Variants in NELL1 observed in about 807,000 individuals in gnomAD.
The protein encoded by NELL1 is neural EGFL like 1.
A neutral mutation model predicts 107.4 loss-of-function variants in NELL1; 76 were observed. The observed-to-expected ratio is 0.71, with a 90% CI of 0.59 to 0.86. The LOEUF (loss-of-function observed/expected upper bound fraction) is 0.86, where lower values mean the gene tolerates loss of function less well. Ranked by LOEUF, NELL1 falls within the 40% of genes least tolerant of loss-of-function variation. NELL1 has a pLI of 0.00. For synonymous variants in NELL1, 353 were observed against 341.2 expected (o/e 1.03, Z -0.38); for missense variants, 1,024 against 1,005.5 (o/e 1.02, Z -0.25).
chr11:21,056,074 A>G (rs1289714651), intron 12 of NELL1, among the ~76,000 whole-genome samples: 1 of 152,146 alleles, frequency 6.6e-6, no homozygotes, highest in East Asian at 1.9e-4. Context: ...CAACATGCTG[A>G]TGAGGATATC....
At chr11:20,864,625 G>A (rs1849060404) in intron 4 of NELL1, among the ~76,000 whole-genome samples, 2 of 152,056 alleles carry the variant, frequency 1.3e-5, no homozygotes, top group African/African-American at 4.8e-5. Context: ...CTTCACTTTC[G>A]GAAACCTGGC....
chr11:21,124,567 A>G (rs891921437), intron 13 of NELL1, among the ~76,000 whole-genome samples: 1 of 151,524 alleles, frequency 6.6e-6, no homozygotes, highest in Non-Finnish European at 1.5e-5. Context: ...GTGCCTGCAG[A>G]TTAGGTGTCT....
chr11:20,775,648 A>G (rs1358843522), intron 2 of NELL1, among the ~76,000 whole-genome samples: 1 of 152,086 alleles, frequency 6.6e-6, no homozygotes, highest in Admixed American at 6.6e-5. Context: ...CAGTGTGGAG[A>G]GGCAGCCTAA....
At chr11:20,853,639 A>G (rs1175112319) in intron 4 of NELL1, among the ~76,000 whole-genome samples, 1 of 152,216 alleles carries the variant, frequency 6.6e-6, no homozygotes, top group Non-Finnish European at 1.5e-5. Context: ...AGAAGGTTTT[A>G]ATATATTGTA....
intron 15 of NELL1, among the ~76,000 whole-genome samples, chr11:21,397,225 C>T (rs1481341499): frequency 6.6e-6 from 1 of 151,506 alleles, no homozygotes; most frequent in East Asian, 2.0e-4. Flanking sequence ...CAAAGTACAT[C>T]AATGATTTAT....
intron 2 of NELL1, among the ~76,000 whole-genome samples, chr11:20,723,426 C>T (rs113998355): frequency 0.013 from 1,937 of 152,276 alleles, 43 homozygotes; most frequent in African/African-American, 0.044. Context: ...CACAGGCCTC[C>T]TCCAAGTCCA....
rs538466819 is a variant in NELL1 at position 21,308,078 on chromosome 11, G to A, written c.1550-62775G>A. ...AGCTCTAGGTTGGAACGCCGGCTTT[G>A]CCACTTATCACTGGGTAACCTTTAG... On this transcript the variant is annotated intron_variant, in intron 14 of 19. Coordinates refer to ENST00000357134, the MANE Select transcript of NELL1 (RefSeq NM_006157.5). Among the ~76,000 whole-genome samples, 16 of 152,096 alleles carry A rather than the reference G, an allele frequency of 1.1e-4. No homozygotes were observed. The South Asian group carries it at 3.1e-3, about 30-fold the overall frequency.
At position 20,962,225 on chromosome 11, in the gene NELL1, A is replaced by G. The variant is rs142029435; in HGVS notation, c.1300+1665A>G. ...ATGGGAGTATCAATTTCAATACTTC[A>G]TATTAATATTTATGTTTAGATCTTC... On this transcript the variant is annotated intron_variant, in intron 12 of 19. Coordinates refer to ENST00000357134, the MANE Select transcript of NELL1 (RefSeq NM_006157.5). 6.4e-3 allele frequency among the ~76,000 whole-genome samples: 978 copies of G among 152,160 alleles called. 34 individuals are homozygous for G. The highest frequency in any genetic ancestry group is 0.046 in the Admixed American group (708 of 15,268).
intron 15 of NELL1, among the ~76,000 whole-genome samples, chr11:21,437,913 A>G (rs959452536): frequency 6.6e-6 from 1 of 152,312 alleles, no homozygotes; most frequent in Non-Finnish European, 1.5e-5. Flanking sequence ...GTGATAGGTG[A>G]AAAGTTACTT....
At chr11:20,938,843 T>C (rs1262281077) in intron 10 of NELL1, among the ~76,000 whole-genome samples, 1 of 151,968 alleles carries the variant, frequency 6.6e-6, no homozygotes, top group Non-Finnish European at 1.5e-5. Flanking sequence ...CAGGTGACAA[T>C]GGACCTAGTT....
In NELL1 at chr11:21,238,400, A is replaced by G. The variant is rs937029609; in HGVS notation, c.1549+8946A>G. On this transcript the variant is annotated intron_variant, in intron 14 of 19. Coordinates refer to ENST00000357134, the MANE Select transcript of NELL1 (RefSeq NM_006157.5). The stretch of plus-strand genomic sequence containing the variant: ...TGGTGCAAAGATGAGATATTATAAT[A>G]TGATAACTTCTATTTTCTCAATAAA... Among the ~76,000 whole-genome samples, 9 of 152,188 alleles carry G rather than the reference A, an allele frequency of 5.9e-5. 1 individual carries two copies. The highest frequency in any genetic ancestry group is 4.1e-4 in the South Asian group (2 of 4,830).
At chr11:20,748,411 T>C (rs1327410562) in intron 2 of NELL1, among the ~76,000 whole-genome samples, 6 of 152,362 alleles carry the variant, frequency 3.9e-5, no homozygotes, top group African/African-American at 1.4e-4. Flanking sequence ...TAAAATTTAT[T>C]TATTTCAGTA....
At chr11:20,674,390 G>A in intron 1 of NELL1, 1 of 908,262 alleles carries the variant, frequency 1.1e-6, no homozygotes, top group South Asian at 1.5e-5. Context: ...TGGAGCTGTT[G>A]AAGTGTGAAT....
chr11:21,327,992 C>T (rs1402317840), intron 14 of NELL1, among the ~76,000 whole-genome samples: 1 of 152,044 alleles, frequency 6.6e-6, no homozygotes, highest in African/African-American at 2.4e-5. Context: ...GGATGATTTA[C>T]AATGTGATGA....
chr11:21,562,186 T>C (rs1856865624), intron 17 of NELL1, among the ~76,000 whole-genome samples: 1 of 152,070 alleles, frequency 6.6e-6, no homozygotes, highest in South Asian at 2.1e-4. Context: ...TTACTAATCA[T>C]TGAAAATTTC....
At chr11:21,456,902 T>TC (rs11423600) in intron 15 of NELL1, among the ~76,000 whole-genome samples, 143,850 of 152,130 alleles carry the variant, frequency 0.95, 68,019 homozygotes, top group East Asian at 1. Context: ...GTGTTTTTTT[T>TC]CTAAGATACA....
intron 3 of NELL1, among the ~76,000 whole-genome samples, chr11:20,786,035 AT>A (rs34120722): frequency 0.057 from 8,245 of 143,910 alleles, 596 homozygotes; most frequent in African/African-American, 0.17. Flanking sequence ...AAACTTCAGA[AT>A]TTTTTTTTTT....
At chr11:21,471,080 A>T (rs1854168391) in intron 15 of NELL1, among the ~76,000 whole-genome samples, 1 of 152,092 alleles carries the variant, frequency 6.6e-6, no homozygotes, top group South Asian at 2.1e-4. Context: ...AAGGCTGCAA[A>T]AGCCTTCAAA....
At chr11:20,878,496 ATCTC>A (rs1313587262) in intron 4 of NELL1, among the ~76,000 whole-genome samples, 1 of 148,652 alleles carries the variant, frequency 6.7e-6, no homozygotes, top group South Asian at 2.1e-4. Context: ...CAAATTTTCT[ATCTC>A]TATCTCTTTT....
Sources: allele counts gnomAD v4.1 joint callset (sites outside exome capture counted in the v4.1 genomes callset), GRCh38; gene constraint gnomAD v4.1.1; transcripts MANE v1.5; gene names NCBI Gene and HGNC (gene_info 2026-07-23, HGNC 2026-07-21).